SMG6: variants seen among roughly 807,000 people sequenced by gnomAD.
The protein encoded by SMG6 is telomerase-binding protein EST1A.
SMG6 carries 66 observed loss-of-function variants against 142.2 expected under a neutral mutation model. The ratio of observed to expected loss-of-function variants is 0.46; its 90% CI spans 0.38 to 0.57. The LOEUF is 0.57. SMG6 is among the 20% of genes least tolerant of loss of function. The pLI is 0.00. For missense variants in SMG6, 1,793 were observed against 1,832.0 expected (o/e 0.98, Z 0.39); for synonymous variants, 779 against 702.4 (o/e 1.11, Z -1.72).
At position 2,289,078 on chromosome 17, in the gene SMG6, CAAAAAAAAAAAA is replaced by C. The variant is rs34494754; in HGVS notation, c.2337+3462_2337+3473del. ...TGGGCAACAGAGCAAGACTCTGTCT[CAAAAAAAAAAAA>C]AAAAAAAAAATTAGCCAGCTGTGGT... On this transcript the variant is annotated intron_variant, in intron 6 of 18. Transcript: ENST00000263073. Among the ~76,000 whole-genome samples the C allele has an allele frequency of 3.4e-5, 3 of 87,970 alleles. No individual in the cohort carries two copies. The Admixed American group carries it at 3.8e-4, about 11-fold the overall frequency. The allele number at this position is 87,970 out of a possible 152,430, so 57.7% of individuals were successfully genotyped here.
At chr17:2,163,749 T>C (rs1414554921) in intron 13 of SMG6, among the ~76,000 whole-genome samples, 1 of 151,996 alleles carries the variant, frequency 6.6e-6, no homozygotes, top group Admixed American at 6.6e-5. Context: ...TGAATGGAAC[T>C]GGTAACTCAC....
At chr17:2,108,847 G>C (rs1201734123) in intron 13 of SMG6, among the ~76,000 whole-genome samples, 1 of 151,664 alleles carries the variant, frequency 6.6e-6, no homozygotes, top group African/African-American at 2.4e-5. Context: ...GGGAGGCTGA[G>C]GTGGTAGAAT....
At chr17:2,136,381 T>C (rs529230737) in intron 13 of SMG6, among the ~76,000 whole-genome samples, 8 of 152,314 alleles carry the variant, frequency 5.3e-5, no homozygotes, top group Non-Finnish European at 7.3e-5. Context: ...GTGACTGTTA[T>C]CAGTCAACCA....
chr17:2,213,399 T>A (rs1361518672), intron 10 of SMG6, among the ~76,000 whole-genome samples: 1 of 152,186 alleles, frequency 6.6e-6, no homozygotes, highest in Non-Finnish European at 1.5e-5. Flanking sequence ...TGGAGGCTGA[T>A]CCACCCGGCC....
chr17:2,075,099 G>A (rs2068219837), intron 15 of SMG6, among the ~76,000 whole-genome samples: 1 of 152,220 alleles, frequency 6.6e-6, no homozygotes, highest in South Asian at 2.1e-4. Context: ...GCCTGGTGCT[G>A]TGCTGGCTCC....
chr17:2,134,489 A>G (rs1428115604), intron 13 of SMG6, among the ~76,000 whole-genome samples: 1 of 151,836 alleles, frequency 6.6e-6, no homozygotes, highest in Non-Finnish European at 1.5e-5. Context: ...CAAATGAAAT[A>G]ATACATCATG....
intron 9 of SMG6, chr17:2,237,497 A>G: frequency 2.0e-6 from 2 of 985,494 alleles, no homozygotes; most frequent in South Asian, 9.4e-5. Flanking sequence ...GCCTAGACCT[A>G]GAAGCCCCCA....
chr17:2,164,665 G>A (rs879585633), intron 13 of SMG6, among the ~76,000 whole-genome samples: 30 of 151,968 alleles, frequency 2.0e-4, no homozygotes, highest in Middle Eastern at 6.8e-3. Flanking sequence ...AGCCGGGAAC[G>A]GTGGCTCATG....
intron 13 of SMG6, among the ~76,000 whole-genome samples, chr17:2,099,580 G>C (rs924448400): frequency 1.3e-5 from 2 of 152,096 alleles, no homozygotes; most frequent in Non-Finnish European, 2.9e-5. Flanking sequence ...GGCTGAGGTA[G>C]AAAGCCATTT....
Position 2,194,883 on chromosome 17 carries a change from T to G in SMG6, c.2870-6368A>C, listed in dbSNP as rs1325835190. ...AACAACTCACCAAACAAGATCCAAG[T>G]AAGGGGGAAGAAACTCAGGACTGCA... On this transcript the variant is annotated intron_variant, in intron 10 of 18. Coordinates refer to ENST00000263073, the MANE Select transcript of SMG6 (RefSeq NM_017575.5). Among the ~76,000 whole-genome samples, 3 of 151,794 alleles carry G rather than the reference T, an allele frequency of 2.0e-5. No individual in the cohort carries two copies. In the South Asian group the frequency reaches 6.3e-4, roughly 32 times the overall value.
At chr17:2,217,423 C>G (rs2073049923) in intron 10 of SMG6, among the ~76,000 whole-genome samples, 2 of 151,874 alleles carry the variant, frequency 1.3e-5, no homozygotes, top group South Asian at 2.1e-4. Context: ...TGATCAATTG[C>G]AAAGTTCATA....
chr17:2,120,641 C>T (rs988653982), intron 13 of SMG6, among the ~76,000 whole-genome samples: 5 of 152,076 alleles, frequency 3.3e-5, no homozygotes, highest in Admixed American at 6.5e-5. Flanking sequence ...GAGGATTGCC[C>T]GAACCCAGGA....
At chr17:2,152,644 G>A (rs1405735682) in intron 13 of SMG6, among the ~76,000 whole-genome samples, 3 of 152,108 alleles carry the variant, frequency 2.0e-5, no homozygotes, top group Non-Finnish European at 4.4e-5. Context: ...AAAATCACAA[G>A]GTACCTAGTA....
rs111672618 is a variant in SMG6 at position 2,172,679 on chromosome 17, G to A, written c.3336C>T (p.Tyr1112=). 832 of 1,613,738 alleles carry A rather than the reference G, an allele frequency of 5.2e-4. No individual in the cohort carries two copies. Among genetic ancestry groups the A allele is most frequent in the Non-Finnish European group, 6.5e-4 (770 of 1,180,030 alleles). The change falls in exon 13 of 19, where the codon TAC becomes TAT. Residue 1112 remains tyrosine (Y), a synonymous_variant. Transcript: ENST00000263073. ...PLLAAPQDPC[Y]VEKTSDKVIA... is the part of the protein sequence containing the mutation. ...TGACCTTATCCGAGGTTTTCTCCACGTAGCAGGGGTCCTGAGGGGCAGCCA... is the reference window on the plus strand; with the variant it reads ...TGACCTTATCCGAGGTTTTCTCCACATAGCAGGGGTCCTGAGGGGCAGCCA...
chr17:2,132,897 C>T (rs1482588943), intron 13 of SMG6, among the ~76,000 whole-genome samples: 1 of 152,208 alleles, frequency 6.6e-6, no homozygotes, highest in East Asian at 1.9e-4. Context: ...ATGTCCCTGC[C>T]TCACTCCCCA....
chr17:2,113,214 T>G (rs898518374), intron 13 of SMG6, among the ~76,000 whole-genome samples: 2 of 151,782 alleles, frequency 1.3e-5, no homozygotes, highest in African/African-American at 4.8e-5. Flanking sequence ...ACAGCTAGCA[T>G]TGCAGGCGTG....
intron 15 of SMG6, among the ~76,000 whole-genome samples, chr17:2,079,469 C>A (rs771982170): frequency 1.0e-5 from 1 of 97,740 alleles, no homozygotes; most frequent in Non-Finnish European, 2.2e-5. Flanking sequence ...CTGGTCTCTA[C>A]GAAAAATACA....
At chr17:2,125,052 C>T (rs2069827506) in intron 13 of SMG6, among the ~76,000 whole-genome samples, 1 of 152,108 alleles carries the variant, frequency 6.6e-6, no homozygotes, top group Admixed American at 6.5e-5. Flanking sequence ...ACTATGGTCT[C>T]TTCTTCTATG....
chr17:2,273,956 C>T (rs2074595257), intron 8 of SMG6, among the ~76,000 whole-genome samples: 1 of 152,208 alleles, frequency 6.6e-6, no homozygotes, highest in South Asian at 2.1e-4. Context: ...ATGTATAGAA[C>T]ATAACCACCA....
Sources: gnomAD v4.1 joint callset for allele counts (sites outside exome capture counted in the v4.1 genomes callset) on GRCh38, gnomAD v4.1.1 for gene constraint, MANE v1.5 for transcripts, NCBI Gene and HGNC (gene_info 2026-07-23, HGNC 2026-07-21) for gene names.